The following GRIP1 variants were observed in gnomAD, a reference collection of about 807,000 sequenced individuals.
GRIP1 encodes the protein glutamate receptor-interacting protein 1.
Under a neutral mutation model 129.9 loss-of-function variants are expected in GRIP1, and 45 were observed. That is an observed-to-expected ratio of 0.35 (90% CI 0.27 to 0.44). GRIP1 has a LOEUF of 0.44. GRIP1 is among the 20% of genes least tolerant of loss of function. The pLI is 1.00. For synonymous variants in GRIP1, 530 were observed against 520.8 expected, an observed-to-expected ratio of 1.02 and a Z score of -0.24; for missense variants, 1,196 against 1,396.8, an observed-to-expected ratio of 0.86 and a Z score of 2.29.
intron 1 of GRIP1, among the ~76,000 whole-genome samples, chr12:66,628,381 C>A (rs1423439901): frequency 1.4e-5 from 2 of 141,802 alleles, no homozygotes; most frequent in African/African-American, 5.2e-5. Context: ...CTAACACTGC[C>A]CTGCTTTCAA....
intron 1 of GRIP1, among the ~76,000 whole-genome samples, chr12:66,987,968 C>T (rs2042337543): frequency 6.6e-6 from 1 of 152,162 alleles, no homozygotes; most frequent in Admixed American, 6.6e-5. Context: ...CCAGGTCTGC[C>T]TCAGTCAATA....
At chr12:66,545,370 G>A (rs955580585) in intron 2 of GRIP1, among the ~76,000 whole-genome samples, 1 of 152,070 alleles carries the variant, frequency 6.6e-6, no homozygotes, top group African/African-American at 2.4e-5. Context: ...ATTATGAAAA[G>A]TTCTTACGAA....
chr12:66,707,066 T>TA (rs532239186), intron 1 of GRIP1, among the ~76,000 whole-genome samples: 1 of 151,946 alleles, frequency 6.6e-6, no homozygotes, highest in Non-Finnish European at 1.5e-5. Context: ...TTAAGATTTT[T>TA]AAAAAATGTT....
At chr12:66,529,793 TA>T (rs758187584) in intron 5 of GRIP1, 37 bp downstream of exon 5, 30 of 1,084,814 alleles carry the variant, frequency 2.8e-5, no homozygotes, top group Middle Eastern at 2.0e-4. Context: ...CCTATGGAAA[TA>T]TTTTTTTTAA....
At chr12:66,627,436 T>C (rs2030215055) in intron 1 of GRIP1, among the ~76,000 whole-genome samples, 1 of 152,208 alleles carries the variant, frequency 6.6e-6, no homozygotes, top group South Asian at 2.1e-4. Flanking sequence ...ATTGAATATT[T>C]TCCATGTGTC....
chr12:66,450,303 C>CAAAAAAAAAAAA (rs143013040), intron 11 of GRIP1, among the ~76,000 whole-genome samples: 1 of 26,818 alleles, frequency 3.7e-5, no homozygotes, highest in Non-Finnish European at 6.2e-5. Context: ...GACTCCATCT[C>CAAAAAAAAAAAA]AAAAAAAAAA....
intron 1 of GRIP1, among the ~76,000 whole-genome samples, chr12:67,063,540 G>C (rs1311381501): frequency 6.6e-6 from 1 of 152,096 alleles, no homozygotes; most frequent in Non-Finnish European, 1.5e-5. Flanking sequence ...TAAAACAAGA[G>C]ATTCAAACCC....
chr12:66,842,545 T>C (rs1251603093), intron 1 of GRIP1, among the ~76,000 whole-genome samples: 2 of 152,184 alleles, frequency 1.3e-5, no homozygotes, highest in Non-Finnish European at 2.9e-5. Context: ...TGACACACTA[T>C]GAATGCTCAA....
intron 15 of GRIP1, among the ~76,000 whole-genome samples, chr12:66,414,717 A>C (rs1290637038): frequency 2.0e-5 from 3 of 152,058 alleles, no homozygotes; most frequent in African/African-American, 7.2e-5. Flanking sequence ...TACAGTAACC[A>C]AAACAGCACG....
chr12:66,619,040 C>T (rs1359863220), intron 1 of GRIP1, among the ~76,000 whole-genome samples: 1 of 152,084 alleles, frequency 6.6e-6, no homozygotes, highest in East Asian at 1.9e-4. Flanking sequence ...ACGTTTCCTT[C>T]AAGCTTTGTT....
At chr12:66,650,435 C>A (rs546167413) in intron 1 of GRIP1, among the ~76,000 whole-genome samples, 2 of 152,128 alleles carry the variant, frequency 1.3e-5, no homozygotes, top group East Asian at 1.9e-4. Flanking sequence ...AAATTATAAG[C>A]CCTTAAAAAT....
intron 1 of GRIP1, among the ~76,000 whole-genome samples, chr12:66,934,385 C>T (rs1201844341): frequency 6.6e-6 from 1 of 152,170 alleles, no homozygotes; most frequent in African/African-American, 2.4e-5. Context: ...CCCTGGGGTT[C>T]GTTTAAGTTC....
chr12:66,754,515 T>C (rs1054648115), intron 1 of GRIP1, among the ~76,000 whole-genome samples: 2 of 152,120 alleles, frequency 1.3e-5, no homozygotes, highest in Admixed American at 6.5e-5. Context: ...AGAGACAACA[T>C]ATTCTATCTC....
chr12:66,743,028 GTCTACT>G (rs1197047075), intron 1 of GRIP1, among the ~76,000 whole-genome samples: 2 of 152,106 alleles, frequency 1.3e-5, no homozygotes, highest in Admixed American at 6.6e-5. Context: ...TGGAAGAGAT[GTCTACT>G]TCTTAAGACA....
Position 66,377,165 on chromosome 12 carries a change from C to G in GRIP1, c.2733+9G>C. 6.3e-7 allele frequency: 1 copy of G among 1,590,588 alleles called. No homozygotes were observed. The highest frequency in any genetic ancestry group is 8.6e-7 in the Non-Finnish European group (1 of 1,158,534). ...AAACAATAAAAGTAAGTAGCAGGAC[C>G]AAGGCTACCTCCAGTTCTCTCAGAA... On this transcript the variant is annotated intron_variant, in intron 21 of 24. Coordinates refer to ENST00000359742, the MANE Select transcript of GRIP1 (RefSeq NM_001366722.1).
chr12:66,538,191 CT>C (rs2061662911), intron 4 of GRIP1, among the ~76,000 whole-genome samples: 1 of 147,168 alleles, frequency 6.8e-6, no homozygotes. Flanking sequence ...CTGTTGTGTT[CT>C]TGCTGTACTT....
At chr12:66,756,530 T>C (rs1298500753) in intron 1 of GRIP1, among the ~76,000 whole-genome samples, 2 of 152,146 alleles carry the variant, frequency 1.3e-5, no homozygotes, top group Non-Finnish European at 2.9e-5. Flanking sequence ...ATGTTTCATG[T>C]TATAAGAACT....
At chr12:66,990,907 G>A (rs2042383802) in intron 1 of GRIP1, among the ~76,000 whole-genome samples, 1 of 151,322 alleles carries the variant, frequency 6.6e-6, no homozygotes, top group Admixed American at 6.6e-5. Flanking sequence ...AACCCGGGAG[G>A]CAGAGGTCGC....
In GRIP1 at chr12:66,888,267, C is replaced by T. The variant is rs571893187; in HGVS notation, c.58+180783G>A. On this transcript the variant is annotated intron_variant, in intron 1 of 1. Coordinates refer to the GRIP1 transcript ENST00000643019. ...GTGGAGATGGGGTCTCAATATGCTGCCCCAGCTGGTCTCAAACTCTTAGAC... is the reference window on the plus strand; with the variant it reads ...GTGGAGATGGGGTCTCAATATGCTGTCCCAGCTGGTCTCAAACTCTTAGAC... Among the ~76,000 whole-genome samples the T allele has an allele frequency of 1.1e-4, 17 of 152,076 alleles. No individual in the cohort carries two copies. The South Asian group carries it at 3.3e-3, about 30-fold the overall frequency.
Sources: allele counts gnomAD v4.1 joint callset (sites outside exome capture counted in the v4.1 genomes callset), GRCh38; gene constraint gnomAD v4.1.1; transcripts MANE v1.5; gene names NCBI Gene and HGNC (gene_info 2026-07-23, HGNC 2026-07-21).